Variants in DRC8 observed in about 807,000 individuals in gnomAD.
DRC8 encodes the protein dynein regulatory complex protein 8.
chr1:245,113,764 C>T, the DRC8 span, among the ~76,000 whole-genome samples: 5 of 152,242 alleles, frequency 3.3e-5, no homozygotes, highest in East Asian at 3.9e-4. Flanking sequence ...ACACTTTACG[C>T]GCTTTATCTC....
chr1:245,070,728 G>C, the DRC8 span, among the ~76,000 whole-genome samples: 1 of 152,062 alleles, frequency 6.6e-6, no homozygotes, highest in Non-Finnish European at 1.5e-5. Context: ...AAACTTAATT[G>C]CCATGTTTCT....
the DRC8 span, chr1:245,023,052 G>A: frequency 2.0e-5 from 3 of 152,278 alleles, no homozygotes; most frequent in East Asian, 1.9e-4. Context: ...AAATTGGAAC[G>A]CTACAGAGAT....
the DRC8 span, among the ~76,000 whole-genome samples, chr1:245,100,641 TGTG>T: frequency 4.6e-5 from 7 of 151,020 alleles, no homozygotes; most frequent in African/African-American, 1.2e-4. Flanking sequence ...ATTAGCCAGG[TGTG>T]GTGGTGCACG....
At chr1:245,028,294 G>A in the DRC8 span, among the ~76,000 whole-genome samples, 19,227 of 152,198 alleles carry the variant, frequency 0.13, 1,575 homozygotes, top group Middle Eastern at 0.26. Flanking sequence ...GTTCCAATGT[G>A]TAACTATACT....
At chr1:245,055,617 C>G in the DRC8 span, among the ~76,000 whole-genome samples, 10 of 152,182 alleles carry the variant, frequency 6.6e-5, no homozygotes, top group Non-Finnish European at 1.5e-4. Context: ...GCCACCGCGC[C>G]TGGCCTGTTT....
chr1:245,091,677 T>G, the DRC8 span: 1 of 152,186 alleles, frequency 6.6e-6, no homozygotes, highest in Non-Finnish European at 1.5e-5. Flanking sequence ...ATTTTTATCT[T>G]TAGCACAAAT....
chr1:245,093,674 C>T, the DRC8 span, among the ~76,000 whole-genome samples: 4 of 140,480 alleles, frequency 2.8e-5, no homozygotes, highest in Non-Finnish European at 4.5e-5. Flanking sequence ...CCAGCCTGGG[C>T]GACAGAGCAA....
the DRC8 span, among the ~76,000 whole-genome samples, chr1:245,095,921 C>T: frequency 2.0e-5 from 3 of 152,160 alleles, no homozygotes; most frequent in Non-Finnish European, 4.4e-5. Context: ...ATTCTAAACC[C>T]TCCTCAGCAT....
chr1:245,075,449 A>G, the DRC8 span: 1 of 152,298 alleles, frequency 6.6e-6, no homozygotes. Context: ...ATTGGGGAAG[A>G]GGAGGAGAGA....
chr1:245,082,989 A>T, the DRC8 span, among the ~76,000 whole-genome samples: 1 of 152,086 alleles, frequency 6.6e-6, no homozygotes, highest in Non-Finnish European at 1.5e-5. Flanking sequence ...GATTACAGGC[A>T]TGAGCCACCA....
At chr1:245,007,621 A>G in the DRC8 span, among the ~76,000 whole-genome samples, 22 of 152,196 alleles carry the variant, frequency 1.4e-4, 1 homozygote, top group Non-Finnish European at 3.1e-4. Context: ...CGGTGGGTAT[A>G]GAGTTGCTTG....
the DRC8 span, among the ~76,000 whole-genome samples, chr1:245,033,427 T>C: frequency 6.6e-6 from 1 of 152,194 alleles, no homozygotes; most frequent in Non-Finnish European, 1.5e-5. Flanking sequence ...ATGGATGAAA[T>C]ACCTTCTCCC....
At chr1:244,990,627 A>G in the DRC8 span, among the ~76,000 whole-genome samples, 1 of 152,128 alleles carries the variant, frequency 6.6e-6, no homozygotes, top group African/African-American at 2.4e-5. Flanking sequence ...TCACTATGAC[A>G]TAGCCCCATC....
chr1:244,971,909 A>T, the DRC8 span, among the ~76,000 whole-genome samples: 2 of 150,518 alleles, frequency 1.3e-5, no homozygotes, highest in Non-Finnish European at 3.0e-5. Context: ...AGAAAAGGAT[A>T]ATTTTAAAAC....
chr1:245,089,156 C>T, the DRC8 span, among the ~76,000 whole-genome samples: 1,161 of 152,134 alleles, frequency 7.6e-3, 11 homozygotes, highest in African/African-American at 0.025. This position sits in a 1 kb window ranked among gnomAD's most constrained non-coding sequence, Gnocchi z 4.8. Flanking sequence ...CTGGCTCGGA[C>T]GATGGGTAAA....
At chr1:245,076,982 C>T in the DRC8 span, among the ~76,000 whole-genome samples, 1 of 152,132 alleles carries the variant, frequency 6.6e-6, no homozygotes, top group African/African-American at 2.4e-5. Flanking sequence ...ACCTTAGCCT[C>T]CCAAAGTGCT....
the DRC8 span, among the ~76,000 whole-genome samples, chr1:245,024,118 C>T: frequency 2.6e-5 from 4 of 151,904 alleles, no homozygotes; most frequent in South Asian, 6.3e-4. Context: ...TGCAGTGAGC[C>T]GAGATTGTGC....
At chr1:244,982,533 G>A in the DRC8 span, among the ~76,000 whole-genome samples, 2 of 152,056 alleles carry the variant, frequency 1.3e-5, no homozygotes, top group African/African-American at 4.8e-5. Flanking sequence ...GCGTGGTGGC[G>A]TGTGCCTGTA....
At chr1:245,032,992 A>C in the DRC8 span, among the ~76,000 whole-genome samples, 1 of 152,068 alleles carries the variant, frequency 6.6e-6, no homozygotes, top group East Asian at 1.9e-4. Context: ...TAAAAAAAAA[A>C]AAACAAAAAC....
Sources: gnomAD v4.1 joint callset for allele counts (sites outside exome capture counted in the v4.1 genomes callset) on GRCh38, gnomAD v4.1.1 for gene constraint, Gnocchi (gnomAD v3.1) non-coding constraint, MANE v1.5 for transcripts, NCBI Gene and HGNC (gene_info 2026-07-23, HGNC 2026-07-21) for gene names.